Variants in RMDN2 observed in about 807,000 individuals in gnomAD.
RMDN2 encodes regulator of microtubule dynamics 2.
In RMDN2, 61 loss-of-function variants were observed where a neutral mutation model predicts 52.8. That is an observed-to-expected ratio of 1.16 (90% CI 0.94 to 1.43). RMDN2 has a LOEUF of 1.43. Ranked by LOEUF, RMDN2 falls within the 40% of genes most tolerant of loss-of-function variation. The pLI is 0.00. For synonymous variants in RMDN2, 180 were observed against 153.1 expected, an observed-to-expected ratio of 1.18 and a Z score of -1.30; for missense variants, 592 against 475.3, an observed-to-expected ratio of 1.25 and a Z score of -2.28.
At chr2:37,993,346 A>C (rs953602378) in intron 7 of RMDN2, among the ~76,000 whole-genome samples, 1 of 152,134 alleles carries the variant, frequency 6.6e-6, no homozygotes, top group African/African-American at 2.4e-5. Context: ...CACCAGGGGG[A>C]ATCAGCTTCC....
intron 10 of RMDN2, among the ~76,000 whole-genome samples, chr2:38,041,427 G>GGTT (rs376036805): frequency 1.7e-5 from 2 of 120,094 alleles, no homozygotes; most frequent in South Asian, 2.8e-4. Flanking sequence ...TTTTTTATTG[G>GGTT]TTTTTTTTTT....
chr2:37,962,076 A>C (rs1418198677), intron 2 of RMDN2, among the ~76,000 whole-genome samples: 1 of 152,184 alleles, frequency 6.6e-6, no homozygotes, highest in Non-Finnish European at 1.5e-5. Context: ...TTTGTCCCAG[A>C]GGGCCACCCA....
At chr2:37,931,214 A>G (rs796677259) in intron 2 of RMDN2, among the ~76,000 whole-genome samples, 14 of 152,310 alleles carry the variant, frequency 9.2e-5, no homozygotes, top group African/African-American at 3.4e-4. Flanking sequence ...TCATTGTTCT[A>G]GTTCATTTAC....
At chr2:38,048,781 G>A (rs1365869922) in intron 10 of RMDN2, among the ~76,000 whole-genome samples, 4 of 152,230 alleles carry the variant, frequency 2.6e-5, no homozygotes, top group East Asian at 1.9e-4. Flanking sequence ...CCACATGGAC[G>A]ATAGAGAAGG....
At chr2:38,039,089 CACACAGAGAG>C (rs758085181) in intron 10 of RMDN2, among the ~76,000 whole-genome samples, 5,554 of 111,298 alleles carry the variant, frequency 0.05, 148 homozygotes, top group Non-Finnish European at 0.081. Flanking sequence ...CACACACACA[CACACAGAGAG>C]AGAGATAAAA....
chr2:38,025,773 T>C (rs1340124527), intron 10 of RMDN2, among the ~76,000 whole-genome samples: 1 of 152,138 alleles, frequency 6.6e-6, no homozygotes, highest in African/African-American at 2.4e-5. Flanking sequence ...AATTTTAAAA[T>C]ATTAAGACAG....
At chr2:38,057,496 A>T (rs1681892752) in intron 10 of RMDN2, among the ~76,000 whole-genome samples, 1 of 152,218 alleles carries the variant, frequency 6.6e-6, no homozygotes, top group Non-Finnish European at 1.5e-5. Context: ...GATTTGGACC[A>T]TGGGCCATAG....
chr2:37,964,068 G>A (rs1288105398), intron 2 of RMDN2, among the ~76,000 whole-genome samples: 1 of 151,854 alleles, frequency 6.6e-6, no homozygotes, highest in Non-Finnish European at 1.5e-5. Flanking sequence ...CGTGGCGGCT[G>A]CCGGGCGGAG....
At chr2:38,063,747 T>A (rs1682150806) in intron 10 of RMDN2, among the ~76,000 whole-genome samples, 1 of 152,210 alleles carries the variant, frequency 6.6e-6, no homozygotes, top group South Asian at 2.1e-4. Context: ...GCGAAGGATA[T>A]GAACAGACAC....
chr2:38,038,562 A>G (rs1401756357), intron 10 of RMDN2, among the ~76,000 whole-genome samples: 2 of 152,320 alleles, frequency 1.3e-5, no homozygotes, highest in South Asian at 2.1e-4. Context: ...CTAAAGCCTC[A>G]GCTTTTTAAG....
intron 5 of RMDN2, among the ~76,000 whole-genome samples, chr2:37,981,763 A>G (rs1033736797): frequency 3.3e-5 from 5 of 152,186 alleles, no homozygotes; most frequent in African/African-American, 1.2e-4. Context: ...GCCATTTATG[A>G]TATTAAAAGT....
At chr2:38,048,676 A>T (rs1681415999) in intron 10 of RMDN2, among the ~76,000 whole-genome samples, 1 of 152,212 alleles carries the variant, frequency 6.6e-6, no homozygotes, top group Non-Finnish European at 1.5e-5. Context: ...CAACAGAACC[A>T]CCAGGTAGTC....
chr2:37,934,914 GA>G (rs764047796), intron 2 of RMDN2, among the ~76,000 whole-genome samples: 3 of 151,676 alleles, frequency 2.0e-5, no homozygotes, highest in Non-Finnish European at 2.9e-5. Flanking sequence ...TGAAGCTTTA[GA>G]AACATCTTTT....
chr2:38,058,597 C>T (rs1681929260), intron 10 of RMDN2, among the ~76,000 whole-genome samples: 1 of 152,194 alleles, frequency 6.6e-6, no homozygotes, highest in Non-Finnish European at 1.5e-5. Context: ...GGAACCATAG[C>T]TTTGAATTTC....
intron 2 of RMDN2, among the ~76,000 whole-genome samples, chr2:37,939,978 G>T (rs1027274964): frequency 2.0e-4 from 30 of 152,148 alleles, no homozygotes; most frequent in African/African-American, 6.8e-4. Flanking sequence ...TCATAGTGTG[G>T]ATGGTCTTTA....
chr2:38,045,639 T>TA (rs201058271), intron 10 of RMDN2, among the ~76,000 whole-genome samples: 3 of 134,860 alleles, frequency 2.2e-5, no homozygotes, highest in East Asian at 2.0e-4. Flanking sequence ...ATCAAATACA[T>TA]AAAAAAATTA....
chr2:38,021,999 C>T (rs1679418907), downstream of RMDN2, among the ~76,000 whole-genome samples: 1 of 152,190 alleles, frequency 6.6e-6, no homozygotes, highest in African/African-American at 2.4e-5. Flanking sequence ...AGGTGTTCTT[C>T]TTTCCATGTA....
At chr2:38,017,745 C>T (rs1679001954), downstream of RMDN2, 2 of 331,556 alleles carry the variant, frequency 6.0e-6, no homozygotes, top group South Asian at 3.0e-5. Context: ...TACCATCAAA[C>T]TAGCTTTCAC....
intron 2 of RMDN2, among the ~76,000 whole-genome samples, chr2:37,965,677 T>C (rs1007428421): frequency 6.6e-6 from 1 of 152,228 alleles, no homozygotes; most frequent in Non-Finnish European, 1.5e-5. Context: ...AATTCTGTTA[T>C]ATTTTCCCAT....
Sources: allele counts gnomAD v4.1 joint callset (sites outside exome capture counted in the v4.1 genomes callset), GRCh38; gene constraint gnomAD v4.1.1; transcripts MANE v1.5; gene names NCBI Gene and HGNC (gene_info 2026-07-23, HGNC 2026-07-21).